CDH8: variants seen among roughly 807,000 people sequenced by gnomAD.
CDH8 encodes cadherin-8.
A neutral mutation model predicts 68.1 loss-of-function variants in CDH8; 17 were observed. The ratio of observed to expected loss-of-function variants is 0.25; its 90% CI spans 0.17 to 0.37. CDH8 has a LOEUF of 0.37. CDH8 is among the 10% of genes least tolerant of loss of function. The pLI is 1.00. For missense variants in CDH8, 763 were observed against 999.3 expected (o/e 0.76, Z 3.19); for synonymous variants, 372 against 365.1 (o/e 1.02, Z -0.21).
intron 2 of CDH8, among the ~76,000 whole-genome samples, chr16:61,972,423 C>T (rs1283826983): frequency 6.6e-6 from 1 of 152,126 alleles, no homozygotes; most frequent in African/African-American, 2.4e-5. Context: ...GTAGTGTAAT[C>T]ATCTTGTATT....
chr16:61,734,046 T>C (rs989542947), intron 8 of CDH8, among the ~76,000 whole-genome samples: 1 of 152,124 alleles, frequency 6.6e-6, no homozygotes, highest in African/African-American at 2.4e-5. Flanking sequence ...TACTCTTCTA[T>C]GTGCCTTCAA....
chr16:61,762,072 G>T (rs2142972085), intron 8 of CDH8, among the ~76,000 whole-genome samples: 1 of 152,238 alleles, frequency 6.6e-6, no homozygotes, highest in South Asian at 2.1e-4. Context: ...ATGAACTAAA[G>T]ACGGGAGGTG....
intron 2 of CDH8, among the ~76,000 whole-genome samples, chr16:61,939,573 A>T (rs1964679886): frequency 6.6e-6 from 1 of 152,186 alleles, no homozygotes; most frequent in Admixed American, 6.5e-5. Flanking sequence ...CATTCCAATT[A>T]AAAACATAAT....
At chr16:61,945,481 A>G (rs181142269) in intron 2 of CDH8, among the ~76,000 whole-genome samples, 1 of 151,604 alleles carries the variant, frequency 6.6e-6, no homozygotes, top group East Asian at 1.9e-4. Context: ...CCACTCCGAT[A>G]TGTCATCTTT....
chr16:61,767,600 G>T (rs1960627089), intron 8 of CDH8, among the ~76,000 whole-genome samples: 2 of 151,790 alleles, frequency 1.3e-5, no homozygotes, highest in Admixed American at 1.3e-4. Context: ...TTCTTCTCTG[G>T]CAAGGACCCT....
At chr16:61,665,141 T>A (rs577665676) in intron 10 of CDH8, among the ~76,000 whole-genome samples, 2 of 151,882 alleles carry the variant, frequency 1.3e-5, no homozygotes, top group South Asian at 4.2e-4. Context: ...AGTGTCCTTA[T>A]AAGAAGAGAC....
intron 9 of CDH8, among the ~76,000 whole-genome samples, chr16:61,716,066 T>C (rs148955947): frequency 6.6e-5 from 10 of 151,794 alleles, no homozygotes; most frequent in African/African-American, 2.4e-4. Flanking sequence ...CCATTGAAGA[T>C]GTAATTCCTG....
At chr16:61,865,436 C>A (rs192945666) in intron 3 of CDH8, among the ~76,000 whole-genome samples, 1 of 152,260 alleles carries the variant, frequency 6.6e-6, no homozygotes, top group East Asian at 1.9e-4. Flanking sequence ...ATCATTCCAG[C>A]AAACATCTGT....
intron 2 of CDH8, among the ~76,000 whole-genome samples, chr16:61,996,118 AGT>A (rs1410376381): frequency 3.3e-5 from 5 of 152,240 alleles, no homozygotes. Flanking sequence ...ACTCAAGGCC[AGT>A]GGAAATGTTT....
chr16:61,903,234 T>C (rs886426722), intron 2 of CDH8, among the ~76,000 whole-genome samples: 1 of 152,266 alleles, frequency 6.6e-6, no homozygotes, highest in Non-Finnish European at 1.5e-5. Flanking sequence ...TTAAATGATA[T>C]TACAATTTTA....
chr16:61,657,290 C>T (rs1963467144), intron 10 of CDH8, among the ~76,000 whole-genome samples: 1 of 151,908 alleles, frequency 6.6e-6, no homozygotes, highest in Non-Finnish European at 1.5e-5. Flanking sequence ...AAATTGATAG[C>T]CATTCTCCAA....
intron 10 of CDH8, among the ~76,000 whole-genome samples, chr16:61,683,799 C>A (rs1964054941): frequency 6.6e-6 from 1 of 151,972 alleles, no homozygotes; most frequent in Admixed American, 6.6e-5. Flanking sequence ...GGCAATTTCT[C>A]TATGAAAGGC....
intron 2 of CDH8, among the ~76,000 whole-genome samples, chr16:61,987,725 T>C (rs1288611384): frequency 6.6e-6 from 1 of 151,474 alleles, no homozygotes; most frequent in Non-Finnish European, 1.5e-5. Flanking sequence ...CATATTATAA[T>C]CGTATGATGT....
At chr16:61,736,039 C>T (rs548185157) in intron 8 of CDH8, among the ~76,000 whole-genome samples, 2 of 151,066 alleles carry the variant, frequency 1.3e-5, no homozygotes, top group East Asian at 3.9e-4. Context: ...TGCCACTGCA[C>T]TCCAGCCTGA....
chr16:62,010,396 A>C (rs1004676222), intron 2 of CDH8, among the ~76,000 whole-genome samples: 1 of 152,178 alleles, frequency 6.6e-6, no homozygotes, highest in Non-Finnish European at 1.5e-5. Flanking sequence ...TGACAGGAAC[A>C]AAATCTGTGA....
intron 7 of CDH8, among the ~76,000 whole-genome samples, chr16:61,795,425 T>C (rs575034862): frequency 2.0e-5 from 3 of 152,170 alleles, no homozygotes; most frequent in East Asian, 1.9e-4. Flanking sequence ...GGGAATAACA[T>C]TGAAACTCTC....
chr16:61,896,152 C>T (rs1653555217), intron 3 of CDH8, among the ~76,000 whole-genome samples: 1 of 152,190 alleles, frequency 6.6e-6, no homozygotes. Context: ...AAACCAACTT[C>T]AGCAACGCTA....
At chr16:61,930,332 A>G (rs929339602) in intron 2 of CDH8, among the ~76,000 whole-genome samples, 3 of 151,498 alleles carry the variant, frequency 2.0e-5, no homozygotes, top group African/African-American at 7.3e-5. Flanking sequence ...GGCATTTTTT[A>G]ATGAGAAATT....
At chr16:61,725,142 A>G (rs1959312549) in intron 9 of CDH8, 1 of 150,992 alleles carries the variant, frequency 6.6e-6, no homozygotes, top group Admixed American at 6.6e-5. Flanking sequence ...ACACAACATA[A>G]CCATTTCTTC....
Sources: allele counts gnomAD v4.1 joint callset (sites outside exome capture counted in the v4.1 genomes callset), GRCh38; gene constraint gnomAD v4.1.1; transcripts MANE v1.5; gene names NCBI Gene and HGNC (gene_info 2026-07-23, HGNC 2026-07-21).